The following ITSN1 variants were observed in gnomAD, a reference collection of about 807,000 sequenced individuals.
The protein encoded by ITSN1 is intersectin-1.
ITSN1 carries 58 observed loss-of-function variants against 239.8 expected under a neutral mutation model. The observed-to-expected ratio is 0.24, with a 90% CI of 0.20 to 0.30. The LOEUF is 0.30. ITSN1 is among the 10% of genes least tolerant of loss of function. The probability of loss-of-function intolerance (pLI) is 1.00; values close to 1 mark genes in which losing one functional copy is unlikely to be tolerated. For missense variants in ITSN1, 1,558 were observed against 2,103.3 expected, an observed-to-expected ratio of 0.74 and a Z score of 5.07; for synonymous variants, 780 against 770.8, an observed-to-expected ratio of 1.01 and a Z score of -0.20.
At chr21:33,821,131 A>G (rs1232027649) in intron 24 of ITSN1, among the ~76,000 whole-genome samples, 1 of 152,206 alleles carries the variant, frequency 6.6e-6, no homozygotes, top group African/African-American at 2.4e-5. Flanking sequence ...AAGCCACATA[A>G]AGTATGAGCA....
intron 29 of ITSN1, among the ~76,000 whole-genome samples, chr21:33,843,379 A>G (rs2074890239): frequency 1.3e-5 from 2 of 152,044 alleles, no homozygotes; most frequent in South Asian, 2.1e-4. Flanking sequence ...ATTCCAACAC[A>G]TTTTCAACGC....
In ITSN1 at chr21:33,898,784, G is replaced by C. The variant is rs1986931699; in HGVS notation, c.*10484G>C. 6.6e-6 allele frequency: 1 copy of C among 152,258 alleles called. No homozygotes were observed. Among genetic ancestry groups the C allele is most frequent in the African/African-American group, 2.4e-5 (1 of 41,462 alleles). 9.4% of individuals were successfully genotyped at this position (152,258 alleles called of 1,614,324 possible). A position where few individuals can be genotyped will look rare whatever the true frequency, so the allele number is the denominator to read the frequency against. On this transcript the variant is annotated 3_prime_UTR_variant, in exon 40 of 40. Coordinates refer to ENST00000381318, the MANE Select transcript of ITSN1 (RefSeq NM_003024.3). ...AACAGGCTGCGTGCATCTTAATGCT[G>C]TCAACCAGCAACTGGAGCCCCTTTT...
chr21:33,656,542 CT>C (rs1004291679), intron 1 of ITSN1, among the ~76,000 whole-genome samples: 11 of 150,928 alleles, frequency 7.3e-5, no homozygotes, highest in East Asian at 1.9e-4. Context: ...CTGAAACAAG[CT>C]TTTTTTTTGA....
rs1986112399 is a variant in ITSN1 at position 33,888,468 on chromosome 21, C to A, written c.*168C>A. On this transcript the variant is annotated 3_prime_UTR_variant, in exon 40 of 40. Transcript: ENST00000381318. ...CCTAGGAATCATTCTCGACAATCCT[C>A]CCTGCCCCGAAACAATTTCCTGTTT... 1 of 647,724 alleles carries A rather than the reference C, an allele frequency of 1.5e-6. No homozygotes were observed. Among genetic ancestry groups the A allele is most frequent in the African/African-American group, 1.8e-5 (1 of 54,658 alleles). The allele number at this position is 647,724 out of a possible 1,614,324, so 40.1% of individuals were successfully genotyped here.
intron 1 of ITSN1, among the ~76,000 whole-genome samples, chr21:33,662,140 T>C (rs2089607548): frequency 6.6e-6 from 1 of 152,184 alleles, no homozygotes; most frequent in East Asian, 1.9e-4. Context: ...CACCATAGAA[T>C]GTTCTTTTGT....
chr21:33,811,705 A>G (rs1200429521), intron 21 of ITSN1, among the ~76,000 whole-genome samples: 2 of 152,242 alleles, frequency 1.3e-5, no homozygotes, highest in Admixed American at 1.3e-4. Flanking sequence ...AATGTACAGT[A>G]GAATGAAGAG....
chr21:33,895,515 G>T lies in ITSN1; in HGVS notation c.*7215G>T, dbSNP rs981545321. On this transcript the variant is annotated 3_prime_UTR_variant, in exon 40 of 40. Transcript: ENST00000381318. ...TGCATGTGTGTGCGTGCGCGTGTTT[G>T]TGTGTGCATGTGTGTGTGTCTACGT... is the stretch of plus-strand genomic sequence containing the variant. The T allele has an allele frequency of 3.6e-5, 3 of 83,536 alleles. No individual in the cohort carries two copies. Among genetic ancestry groups the T allele is most frequent in the Admixed American group, 2.1e-4 (2 of 9,648 alleles). The allele number at this position is 83,536 out of a possible 1,614,324, so 5.2% of individuals were successfully genotyped here.
At chr21:33,850,509 G>A (rs974170794) in intron 29 of ITSN1, among the ~76,000 whole-genome samples, 1 of 152,238 alleles carries the variant, frequency 6.6e-6, no homozygotes, top group Non-Finnish European at 1.5e-5. Context: ...CCTGTGCAAA[G>A]TGCCTGCAAC....
chr21:33,715,719 C>T (rs2065094913), intron 1 of ITSN1, among the ~76,000 whole-genome samples: 1 of 152,140 alleles, frequency 6.6e-6, no homozygotes, highest in African/African-American at 2.4e-5. Flanking sequence ...TTTTCTCCTT[C>T]CCTAAAGTCT....
chr21:33,760,027 G>A (rs943926520), intron 8 of ITSN1, among the ~76,000 whole-genome samples: 5 of 151,990 alleles, frequency 3.3e-5, no homozygotes, highest in Non-Finnish European at 7.4e-5. Flanking sequence ...CATTGAACCC[G>A]GGTGGAGGAG....
intron 29 of ITSN1, among the ~76,000 whole-genome samples, chr21:33,841,966 A>G (rs1055965944): frequency 7.1e-6 from 1 of 140,232 alleles, no homozygotes; most frequent in Non-Finnish European, 1.5e-5. Context: ...GAGACGGTTC[A>G]CCCAGGTTGG....
At chr21:33,819,838 C>T (rs1281432860) in intron 24 of ITSN1, among the ~76,000 whole-genome samples, 1 of 150,876 alleles carries the variant, frequency 6.6e-6, no homozygotes, top group Admixed American at 6.6e-5. Context: ...AAAAATTAGC[C>T]GGGCGCGGTG....
chr21:33,808,136 G>A (rs866937893), intron 20 of ITSN1, among the ~76,000 whole-genome samples: 3 of 151,682 alleles, frequency 2.0e-5, no homozygotes, highest in South Asian at 4.2e-4. Context: ...GCAGTGAGCC[G>A]AGATTGCGCC....
At chr21:33,825,330 GA>G (rs374488777) in intron 25 of ITSN1, among the ~76,000 whole-genome samples, 3 of 149,702 alleles carry the variant, frequency 2.0e-5, no homozygotes, top group African/African-American at 7.4e-5. Context: ...CAATAATAAT[GA>G]AAAAAAAACC....
At position 33,856,831 on chromosome 21, in the gene ITSN1, G is replaced by A. The variant is rs1181836739; in HGVS notation, c.3757G>A (p.Val1253Met). Residue 1253 changes from valine to methionine, a missense_variant, in exon 30 of 40, where the codon GTG (valine) becomes ATG (methionine). Transcript: ENST00000381318. ...GCTCATTGTCACCGAGGAGAACTAT[G>A]TGAATGACCTGCAGCTGGTCACAGA... ...HELIVTEENY[V>M]NDLQLVTEIF... 1 of 1,614,140 alleles carries A rather than the reference G, an allele frequency of 6.2e-7. No individual in the cohort carries two copies. Among genetic ancestry groups the A allele is most frequent in the South Asian group, 1.1e-5 (1 of 91,084 alleles).
At chr21:33,736,564 G>A (rs115517262) in intron 5 of ITSN1, among the ~76,000 whole-genome samples, 229 of 152,360 alleles carry the variant, frequency 1.5e-3, no homozygotes, top group African/African-American at 5.2e-3. Flanking sequence ...GCCGTTGTTT[G>A]TCTTGTCCAG....
intron 1 of ITSN1, among the ~76,000 whole-genome samples, chr21:33,717,908 C>CT (rs919466564): frequency 3.9e-5 from 6 of 152,106 alleles, no homozygotes; most frequent in Non-Finnish European, 5.9e-5. Context: ...AGAGGACTGG[C>CT]TTTTTTTCAC....
chr21:33,746,962 T>C (rs2067221532), intron 5 of ITSN1, among the ~76,000 whole-genome samples: 1 of 152,192 alleles, frequency 6.6e-6, no homozygotes, highest in Admixed American at 6.5e-5. Context: ...GAGACCAGTC[T>C]GGCCAACATG....
At position 33,866,122 on chromosome 21, in the gene ITSN1, CT is replaced by C. The variant is rs112956322; in HGVS notation, c.4074+789del. Among the ~76,000 whole-genome samples, 9 of 152,310 alleles carry C rather than the reference CT, an allele frequency of 5.9e-5. 2 individuals carry two copies. The highest frequency in any genetic ancestry group is 1.9e-4 in the African/African-American group (8 of 41,568). On this transcript the variant is annotated intron_variant, in intron 32 of 39. Coordinates refer to ENST00000381318, the MANE Select transcript of ITSN1 (RefSeq NM_003024.3). ...TCATGCATTTTGGAGACAGGCCATC[CT>C]CACCTGTCCTAGAGTGGTGCTTGTG... is the stretch of plus-strand genomic sequence containing the variant.
Sources: allele counts gnomAD v4.1 joint callset (sites outside exome capture counted in the v4.1 genomes callset), GRCh38; gene constraint gnomAD v4.1.1; transcripts MANE v1.5; gene names NCBI Gene and HGNC (gene_info 2026-07-23, HGNC 2026-07-21).